TXNDC11: variants seen among roughly 807,000 people sequenced by gnomAD.
TXNDC11 encodes thioredoxin domain-containing protein 11.
A neutral mutation model predicts 78.0 loss-of-function variants in TXNDC11; 68 were observed. The observed-to-expected ratio is 0.87, with a 90% CI of 0.72 to 1.07. TXNDC11 has a LOEUF of 1.07. Ranked by LOEUF, TXNDC11 falls within the 50% of genes least tolerant of loss-of-function variation. The pLI is 0.00. For synonymous variants in TXNDC11, 571 were observed against 495.2 expected (o/e 1.15, Z -2.03); for missense variants, 1,389 against 1,221.8 (o/e 1.14, Z -2.04).
intron 1 of TXNDC11, among the ~76,000 whole-genome samples, chr16:11,736,887 A>G (rs180836987): frequency 2.6e-5 from 4 of 152,288 alleles, no homozygotes; most frequent in Non-Finnish European, 4.4e-5. Flanking sequence ...ACAGATCAGG[A>G]GGAAAAAGAA....
chr16:11,680,181 G>C (rs1472238819), intron 11 of TXNDC11, among the ~76,000 whole-genome samples: 2 of 152,210 alleles, frequency 1.3e-5, no homozygotes, highest in Admixed American at 1.3e-4. Flanking sequence ...TGTGTGCTCG[G>C]AGATGCCCAG....
At chr16:11,704,416 G>C (rs538539159) in intron 5 of TXNDC11, among the ~76,000 whole-genome samples, 1 of 152,140 alleles carries the variant, frequency 6.6e-6, no homozygotes, top group Non-Finnish European at 1.5e-5. Flanking sequence ...GAAGTTTGAG[G>C]ATATATTTAC....
chr16:11,712,587 T>C (rs1302855600), intron 5 of TXNDC11, among the ~76,000 whole-genome samples: 4 of 152,172 alleles, frequency 2.6e-5, no homozygotes, highest in Admixed American at 2.0e-4. Context: ...TAATAAGAAA[T>C]CGTACTTCTG....
intron 1 of TXNDC11, among the ~76,000 whole-genome samples, chr16:11,741,459 G>T (rs1007130604): frequency 6.6e-6 from 1 of 152,024 alleles, no homozygotes; most frequent in Non-Finnish European, 1.5e-5. Flanking sequence ...CAATTCCAGG[G>T]AAACACCAAG....
chr16:11,717,660 A>C (rs2051574685), intron 5 of TXNDC11, among the ~76,000 whole-genome samples: 3 of 150,144 alleles, frequency 2.0e-5, no homozygotes, highest in Admixed American at 2.0e-4. Context: ...TCTCTACTAA[A>C]AATACAAAAA....
intron 1 of TXNDC11, chr16:11,742,192 T>A: frequency 2.6e-6 from 1 of 391,446 alleles, no homozygotes; most frequent in Non-Finnish European, 4.5e-6. Flanking sequence ...CCACCCCTAG[T>A]GACTCCAACA....
rs907900791 is a variant in TXNDC11, at chr16:11,734,226, A to G, written c.472-147T>C. The G allele has an allele frequency of 1.2e-5, 8 of 656,468 alleles. No individual in the cohort carries two copies. In the African/African-American group the frequency reaches 1.3e-4, roughly 11 times the overall value. 40.7% of individuals were successfully genotyped at this position (656,468 alleles called of 1,614,324 possible). The stretch of plus-strand genomic sequence containing the variant: ...AAACTGTTTTGAGTTTTCAAAGGTC[A>G]TAATTTATCACTAAAACAAAAAAGA... On this transcript the variant is annotated intron_variant, in intron 2 of 11. Coordinates refer to ENST00000283033, the MANE Select transcript of TXNDC11 (RefSeq NM_015914.7).
Position 11,690,944 on chromosome 16 carries a change from C to T in TXNDC11, c.1900+346G>A, listed in dbSNP as rs1191893760. 4 of 293,474 alleles carry T rather than the reference C, an allele frequency of 1.4e-5. No individual in the cohort carries two copies. In the East Asian group the frequency reaches 3.7e-4, roughly 27 times the overall value. The allele number at this position is 293,474 out of a possible 1,614,324, so 18.2% of individuals were successfully genotyped here. ...CCCCTAGGACATCCCACCAGAATAG[C>T]TCTCCACCTCCCTGCCTGTTCTAGT... On this transcript the variant is annotated intron_variant, in intron 8 of 11. Transcript: ENST00000283033.
At chr16:11,719,615 G>A (rs2051642976) in intron 5 of TXNDC11, among the ~76,000 whole-genome samples, 1 of 152,114 alleles carries the variant, frequency 6.6e-6, no homozygotes, top group African/African-American at 2.4e-5. Context: ...TGATCTCCTG[G>A]GGGAAGGTAA....
intron 5 of TXNDC11, among the ~76,000 whole-genome samples, chr16:11,706,896 C>G (rs2051196347): frequency 6.6e-6 from 1 of 152,180 alleles, no homozygotes; most frequent in Admixed American, 6.5e-5. Context: ...GGTCCACTTA[C>G]ATGCATATTT....
chr16:11,711,953 G>A (rs2051374516), intron 5 of TXNDC11, among the ~76,000 whole-genome samples: 1 of 152,192 alleles, frequency 6.6e-6, no homozygotes, highest in African/African-American at 2.4e-5. Context: ...AGGTGGCCAA[G>A]GACAGACCAG....
chr16:11,735,947 CT>C (rs891719208), intron 2 of TXNDC11, 69 bp downstream of exon 2: 1 of 1,493,480 alleles, frequency 6.7e-7, no homozygotes, highest in Admixed American at 1.7e-5. Context: ...CAAGGTGTCT[CT>C]GTGGGGACAT....
chr16:11,702,447 T>G (rs900852088), intron 5 of TXNDC11, among the ~76,000 whole-genome samples: 5 of 152,116 alleles, frequency 3.3e-5, no homozygotes, highest in African/African-American at 1.2e-4. Flanking sequence ...GTGGGTGGAT[T>G]GCCTGAGCTC....
chr16:11,702,405 T>C (rs1035652844), intron 5 of TXNDC11, among the ~76,000 whole-genome samples: 1 of 152,216 alleles, frequency 6.6e-6, no homozygotes, highest in Non-Finnish European at 1.5e-5. Flanking sequence ...CAGGGGCTCA[T>C]GCTCTTAATC....
chr16:11,713,110 GA>G (rs35333554), intron 5 of TXNDC11, among the ~76,000 whole-genome samples: 34,629 of 111,564 alleles, frequency 0.31, 6,078 homozygotes, highest in Non-Finnish European at 0.42. Context: ...TCTGTCTCAG[GA>G]AAAAAAAAAA....
At position 11,742,822 on chromosome 16, in the gene TXNDC11, C is replaced by A. The variant is rs971203966; in HGVS notation, c.-92G>T. The A allele has an allele frequency of 4.4e-6, 6 of 1,367,688 alleles. No homozygotes were observed. The highest frequency in any genetic ancestry group is 5.6e-6 in the Non-Finnish European group (6 of 1,065,706). 84.7% of individuals were successfully genotyped at this position (1,367,688 alleles called of 1,614,324 possible). ...CGTTGCTCCCCAATCCCGCAGCTCG[C>A]CGCACCCGCTAACCCGGACGCTCCA... is the stretch of plus-strand genomic sequence containing the variant. On this transcript the variant is annotated 5_prime_UTR_variant, in exon 1 of 12. Transcript: ENST00000283033.
chr16:11,742,170 G>A (rs1217222794), intron 1 of TXNDC11: 12 of 358,250 alleles, frequency 3.3e-5, no homozygotes, highest in African/African-American at 8.5e-5. Context: ...AGCCCGGGCC[G>A]AAGTGACAGG....
chr16:11,698,093 TCATGAGGTGCTTTTCA>T lies in TXNDC11; in HGVS notation c.1107+16_1107+31del. The T allele has an allele frequency of 6.2e-7, 1 of 1,608,360 alleles. No individual in the cohort carries two copies. The highest frequency in any genetic ancestry group is 1.7e-5 in the Admixed American group (1 of 60,020). ...CAGGTAGATGAGGCTTTCCTACTCC[TCATGAGGTGCTTTTCA>T]CATCACAGCTCTTACCTCGTCTATT... On this transcript the variant is annotated intron_variant, in intron 7 of 11. Coordinates refer to ENST00000283033, the MANE Select transcript of TXNDC11 (RefSeq NM_015914.7).
chr16:11,715,979 C>G (rs1383257346), intron 5 of TXNDC11, among the ~76,000 whole-genome samples: 4 of 152,170 alleles, frequency 2.6e-5, no homozygotes, highest in Non-Finnish European at 4.4e-5. Flanking sequence ...TTTCTTTACT[C>G]GCTTTATTAC....
Sources: allele counts gnomAD v4.1 joint callset (sites outside exome capture counted in the v4.1 genomes callset), GRCh38; gene constraint gnomAD v4.1.1; transcripts MANE v1.5; gene names NCBI Gene and HGNC (gene_info 2026-07-23, HGNC 2026-07-21).